Variants in C1orf141 observed in about 807,000 individuals in gnomAD.
C1orf141 encodes uncharacterized protein C1orf141.
Under a neutral mutation model 23.2 loss-of-function variants are expected in C1orf141, and 19 were observed. That is an observed-to-expected ratio of 0.82 (90% CI 0.57 to 1.20). C1orf141 has a LOEUF of 1.20. C1orf141 is among the 50% of genes most tolerant of loss of function. The pLI, the probability that C1orf141 is intolerant of heterozygous loss-of-function variation, is 0.00. For missense variants in C1orf141, 469 were observed against 455.1 expected (o/e 1.03, Z -0.28); for synonymous variants, 153 against 154.6 (o/e 0.99, Z 0.08).
intron 6 of C1orf141, 165 bp from the exon 7 acceptor site, chr1:67,095,586 G>A: frequency 2.0e-6 from 1 of 505,208 alleles, no homozygotes. Context: ...CTGGTTTGTG[G>A]GAGAAAACAG....
intron 5 of C1orf141, among the ~76,000 whole-genome samples, chr1:67,098,126 C>T (rs1383468280): frequency 2.0e-5 from 3 of 152,002 alleles, no homozygotes; most frequent in East Asian, 1.9e-4. Flanking sequence ...CTGAGGGTCA[C>T]GAGGTCTGAG....
rs141956365 is a variant in C1orf141, at chr1:67,131,669, G to A, written c.-103-442C>T. Among the ~76,000 whole-genome samples the A allele has an allele frequency of 4.9e-3, 738 of 151,718 alleles. 5 individuals are homozygous for A. The highest frequency in any genetic ancestry group is 6.2e-3 in the Non-Finnish European group (423 of 67,968). On this transcript the variant is annotated intron_variant, in intron 1 of 7. Coordinates refer to ENST00000684719, the MANE Select transcript of C1orf141 (RefSeq NM_001276351.2). ...CACTCTTACTTCCTGGACACGTCCT[G>A]CCCTTTTCTCAAGCACACCATTCAC...
rs751220975 is a variant in C1orf141, at chr1:67,093,302, A to G, written c.906T>C (p.Asn302=). 40 of 1,613,552 alleles carry G rather than the reference A, an allele frequency of 2.5e-5. No homozygotes were observed. Among genetic ancestry groups the G allele is most frequent in the Non-Finnish European group, 3.4e-6 (4 of 1,179,660 alleles). The change falls in exon 8 of 8, where the codon AAT becomes AAC. Residue 302 remains asparagine (N), a synonymous_variant. Coordinates refer to ENST00000684719, the MANE Select transcript of C1orf141 (RefSeq NM_001276351.2). ...TVDDKLKKKT[N]KQTLENRSWN... is the part of the protein sequence containing the mutation. ...AAGATCTGTTTTCTAGTGTCTGCTTATTAGTTTTCTTCTTTAGTTTATCAT... is the reference window on the plus strand; with the variant it reads ...AAGATCTGTTTTCTAGTGTCTGCTTGTTAGTTTTCTTCTTTAGTTTATCAT...
intron 5 of C1orf141, chr1:67,111,646 T>A: frequency 7.4e-7 from 1 of 1,349,310 alleles, no homozygotes; most frequent in Non-Finnish European, 9.9e-7. Flanking sequence ...CTACTGGCTC[T>A]AAAGAAACAA....
chr1:67,140,464 G>A (rs1646626479), intron 1 of C1orf141, among the ~76,000 whole-genome samples: 1 of 152,118 alleles, frequency 6.6e-6, no homozygotes, highest in Non-Finnish European at 1.5e-5. Context: ...TATATTTGAT[G>A]TTCAATGACA....
At chr1:67,126,771 T>C (rs1646422742) in intron 3 of C1orf141, among the ~76,000 whole-genome samples, 1 of 152,224 alleles carries the variant, frequency 6.6e-6, no homozygotes, top group Non-Finnish European at 1.5e-5. Flanking sequence ...AACCAAATCT[T>C]GCGGCTTTGA....
chr1:67,125,449 G>A (rs1227370689), intron 4 of C1orf141, among the ~76,000 whole-genome samples: 1 of 152,134 alleles, frequency 6.6e-6, no homozygotes, highest in Non-Finnish European at 1.5e-5. Flanking sequence ...TGTAATCCCA[G>A]TACTTTGGGA....
chr1:67,102,352 T>C (rs556762891), intron 5 of C1orf141, among the ~76,000 whole-genome samples: 14 of 143,370 alleles, frequency 9.8e-5, no homozygotes, highest in Admixed American at 8.9e-4. Context: ...GTGTGTGTAA[T>C]ATAAAAAGCA....
intron 5 of C1orf141, among the ~76,000 whole-genome samples, chr1:67,099,074 G>A (rs1265433233): frequency 3.3e-5 from 5 of 152,146 alleles, no homozygotes; most frequent in Non-Finnish European, 7.4e-5. Context: ...ATCTATATTT[G>A]AAGAGATAAT....
At chr1:67,098,958 T>A (rs1021560606) in intron 5 of C1orf141, among the ~76,000 whole-genome samples, 11 of 152,028 alleles carry the variant, frequency 7.2e-5, no homozygotes, top group African/African-American at 2.7e-4. Flanking sequence ...CATAGAAAGA[T>A]AAATAAAAAC....
chr1:67,136,927 C>G (rs72676047), upstream of C1orf141, among the ~76,000 whole-genome samples: 4,974 of 152,180 alleles, frequency 0.033, 99 homozygotes, highest in Non-Finnish European at 0.051. Flanking sequence ...CAGTTAAATT[C>G]AGTATTTACT....
Position 67,127,140 on chromosome 1 carries a change from T to C in C1orf141, c.75+26A>G, listed in dbSNP as rs765605255. ...AATGTTAACCTGTTAATGATTAAAC[T>C]GAATTGTAGCTTATACGTCACAAAC... On this transcript the variant is annotated intron_variant, in intron 3 of 7. Transcript: ENST00000684719. 1.2e-5 allele frequency: 18 copies of C among 1,509,044 alleles called. No individual in the cohort carries two copies. In the African/African-American group the frequency reaches 2.5e-4, roughly 21 times the overall value. The allele number at this position is 1,509,044 out of a possible 1,614,324, so 93.5% of individuals were successfully genotyped here.
chr1:67,140,264 T>C (rs1209863541), intron 1 of C1orf141, among the ~76,000 whole-genome samples: 1 of 152,210 alleles, frequency 6.6e-6, no homozygotes, highest in Non-Finnish European at 1.5e-5. Flanking sequence ...TCTGATTTCA[T>C]AAATATTTAA....
chr1:67,104,296 G>T (rs1467666078), intron 5 of C1orf141, among the ~76,000 whole-genome samples: 2 of 152,218 alleles, frequency 1.3e-5, no homozygotes, highest in South Asian at 2.1e-4. Flanking sequence ...GGCATTGCAG[G>T]CGAGGTCAAC....
intron 4 of C1orf141, 116 bp downstream of exon 4, chr1:67,125,636 C>T: frequency 3.0e-6 from 3 of 984,430 alleles, no homozygotes; most frequent in Non-Finnish European, 4.9e-6. Flanking sequence ...GAAGTTGAGG[C>T]TGCAGTGAGC....
intron 5 of C1orf141, among the ~76,000 whole-genome samples, chr1:67,114,837 G>T (rs990454035): frequency 6.6e-6 from 1 of 152,114 alleles, no homozygotes; most frequent in Admixed American, 6.5e-5. Context: ...CACCATGCCC[G>T]GCTAATTTTT....
upstream of C1orf141, among the ~76,000 whole-genome samples, chr1:67,137,248 G>T (rs924894637): frequency 6.6e-6 from 1 of 152,120 alleles, no homozygotes; most frequent in Non-Finnish European, 1.5e-5. Flanking sequence ...TGTATTTAGG[G>T]TTATAGTTTA....
chr1:67,109,921 G>T (rs552605319), intron 5 of C1orf141, among the ~76,000 whole-genome samples: 1 of 151,882 alleles, frequency 6.6e-6, no homozygotes, highest in Non-Finnish European at 1.5e-5. Context: ...TTTAGTAATA[G>T]ATAGAGAAAA....
In C1orf141 at chr1:67,093,354, G is replaced by A; in HGVS notation, c.854C>T (p.Ser285Phe). The change falls in exon 8 of 8, where the codon TCT (serine) becomes TTT (phenylalanine). Residue 285 changes from serine (S) to phenylalanine (F), a missense_variant. Transcript: ENST00000684719. ...TACAGTTGTGTGGCCCGCTTTAAAAGACATAGGGATCTGTATATCTTTTCT... is the reference window on the plus strand; with the variant it reads ...TACAGTTGTGTGGCCCGCTTTAAAAAACATAGGGATCTGTATATCTTTTCT... ...VQRKDIQIPM[S>F]FKAGHTTVDD... The A allele has an allele frequency of 6.2e-7, 1 of 1,613,880 alleles. No homozygotes were observed. The highest frequency in any genetic ancestry group is 8.5e-7 in the Non-Finnish European group (1 of 1,179,850).
Sources: allele counts gnomAD v4.1 joint callset (sites outside exome capture counted in the v4.1 genomes callset), GRCh38; gene constraint gnomAD v4.1.1; transcripts MANE v1.5; gene names NCBI Gene and HGNC (gene_info 2026-07-23, HGNC 2026-07-21).